GFM1: variants seen among roughly 807,000 people sequenced by gnomAD.
GFM1 encodes the protein elongation factor G, mitochondrial.
Under a neutral mutation model 96.2 loss-of-function variants are expected in GFM1, and 62 were observed. The observed-to-expected ratio is 0.64, with a 90% CI of 0.53 to 0.80. The LOEUF is 0.80. GFM1 is among the 30% of genes least tolerant of loss of function. GFM1 has a pLI of 0.00. For missense variants in GFM1, 852 were observed against 916.6 expected (o/e 0.93, Z 0.91); for synonymous variants, 282 against 312.9 (o/e 0.90, Z 1.04).
intron 7 of GFM1, among the ~76,000 whole-genome samples, chr3:158,653,776 A>G (rs778484449): frequency 5.8e-4 from 89 of 152,244 alleles, no homozygotes; most frequent in Non-Finnish European, 9.1e-4. Context: ...AAAAGTTTTA[A>G]GAAACAAACT....
At chr3:158,649,906 G>T in intron 5 of GFM1, 2 of 1,017,498 alleles carry the variant, frequency 2.0e-6, no homozygotes, top group South Asian at 2.8e-5. Context: ...CAGGTCTGCA[G>T]ACCACACTTT....
At chr3:158,672,432 A>G (rs1560139304) in intron 13 of GFM1, 1 of 1,614,030 alleles carries the variant, frequency 6.2e-7, no homozygotes. Flanking sequence ...GTTCTGTGCC[A>G]CCAAGGCCGC....
intron 13 of GFM1, chr3:158,666,729 G>T (rs1576758075): frequency 6.2e-7 from 1 of 1,613,518 alleles, no homozygotes. Context: ...ACTTGCATTT[G>T]CCAGGGAATA....
intron 13 of GFM1, 51 bp downstream of exon 13, chr3:158,666,437 A>G: frequency 1.4e-6 from 2 of 1,430,172 alleles, no homozygotes; most frequent in African/African-American, 1.4e-5. Flanking sequence ...GAAGCTTTTT[A>G]TTTTGGATAT....
At chr3:158,678,734 G>A (rs1725115384) in intron 13 of GFM1, among the ~76,000 whole-genome samples, 1 of 152,166 alleles carries the variant, frequency 6.6e-6, no homozygotes, top group African/African-American at 2.4e-5. Context: ...ATAAAGCAGT[G>A]GCAAGGTTTG....
At chr3:158,677,340 G>A (rs1321870755) in intron 13 of GFM1, among the ~76,000 whole-genome samples, 2 of 152,198 alleles carry the variant, frequency 1.3e-5, no homozygotes, top group Non-Finnish European at 2.9e-5. Flanking sequence ...CAGAAGAAAA[G>A]TTTGAAGCTA....
At chr3:158,663,519 T>C (rs1022825102) in intron 11 of GFM1, among the ~76,000 whole-genome samples, 2 of 152,216 alleles carry the variant, frequency 1.3e-5, no homozygotes, top group Non-Finnish European at 2.9e-5. Flanking sequence ...TTTCCAGACC[T>C]TTTCTCAATA....
intron 13 of GFM1, among the ~76,000 whole-genome samples, chr3:158,668,348 T>A (rs1236092447): frequency 6.6e-6 from 1 of 152,200 alleles, no homozygotes; most frequent in African/African-American, 2.4e-5. Flanking sequence ...GAAAAAAATC[T>A]GTGCATGTTC....
intron 4 of GFM1, among the ~76,000 whole-genome samples, chr3:158,647,749 A>G (rs1367313): frequency 0.42 from 63,189 of 152,020 alleles, 14,273 homozygotes; most frequent in African/African-American, 0.6. Context: ...TATTTTACTT[A>G]TGCTTGGCAA....
intron 13 of GFM1, chr3:158,670,980 C>A: frequency 6.5e-7 from 1 of 1,539,456 alleles, no homozygotes; most frequent in Non-Finnish European, 8.7e-7. Context: ...TCTTCAACAG[C>A]AAATTTAAGG....
At chr3:158,679,688 C>T (rs1277056397) in intron 13 of GFM1, among the ~76,000 whole-genome samples, 1 of 151,922 alleles carries the variant, frequency 6.6e-6, no homozygotes, top group Non-Finnish European at 1.5e-5. Flanking sequence ...CTTAGGTTGT[C>T]GTTGTGCATG....
chr3:158,684,462 C>G, intron 14 of GFM1, 62 bp from the exon 15 acceptor site: 1 of 1,557,154 alleles, frequency 6.4e-7, no homozygotes. Flanking sequence ...TTTTGGGGTT[C>G]TTGATAATGT....
intron 8 of GFM1, among the ~76,000 whole-genome samples, chr3:158,657,828 T>C (rs550683879): frequency 6.6e-6 from 1 of 152,304 alleles, no homozygotes; most frequent in South Asian, 2.1e-4. Context: ...TTGACAAATA[T>C]ATTTTATACT....
intron 1 of GFM1, chr3:158,644,965 T>C: frequency 2.4e-6 from 1 of 416,318 alleles, no homozygotes; most frequent in Non-Finnish European, 4.4e-6. Context: ...TGATATTTTA[T>C]CCACCTTTTC....
intron 13 of GFM1, among the ~76,000 whole-genome samples, chr3:158,673,594 G>A (rs756881559): frequency 1.0e-4 from 14 of 139,782 alleles, no homozygotes; most frequent in South Asian, 4.6e-4. Flanking sequence ...TCACTGCAAC[G>A]TCCGCCTCCT....
In GFM1 at chr3:158,654,592, C is replaced by A; in HGVS notation, c.1044C>A (p.Asp348Glu). 1 of 1,613,162 alleles carries A rather than the reference C, an allele frequency of 6.2e-7. No individual in the cohort carries two copies. Among genetic ancestry groups the A allele is most frequent in the East Asian group, 2.2e-5 (1 of 44,814 alleles). ...AAATCCTAATGAACTCCAGTAGAGA[C>A]AATTCCCACCCATTTGTAGGCCTGG... is the stretch of plus-strand genomic sequence containing the variant. ...KTKILMNSSR[D>E]NSHPFVGLAF... Residue 348 changes from aspartate (D) to glutamate (E), a missense_variant, in exon 8 of 18, where the codon GAC becomes GAA. Coordinates refer to ENST00000486715, the MANE Select transcript of GFM1 (RefSeq NM_024996.7).
chr3:158,647,825 G>A (rs982488908), intron 4 of GFM1, among the ~76,000 whole-genome samples: 1 of 152,076 alleles, frequency 6.6e-6, no homozygotes, highest in South Asian at 2.1e-4. Flanking sequence ...GCATTTATTT[G>A]ATTACTTTGG....
intron 15 of GFM1, 187 bp downstream of exon 15, chr3:158,684,855 C>T: frequency 1.7e-6 from 1 of 601,596 alleles, no homozygotes; most frequent in Non-Finnish European, 2.9e-6. Flanking sequence ...TCTTGCAAAG[C>T]TAAAAGACTA....
intron 16 of GFM1, 23 bp from the exon 17 acceptor site, chr3:158,691,116 A>G (rs751707884): frequency 1.3e-6 from 2 of 1,558,960 alleles, no homozygotes; most frequent in Admixed American, 1.7e-5. Context: ...CAGTGCTAAA[A>G]TATCTACTAT....
Sources: gnomAD v4.1 joint callset for allele counts (sites outside exome capture counted in the v4.1 genomes callset) on GRCh38, gnomAD v4.1.1 for gene constraint, MANE v1.5 for transcripts, NCBI Gene and HGNC (gene_info 2026-07-23, HGNC 2026-07-21) for gene names.